Variants in TRPM3 observed in about 807,000 individuals in gnomAD.
TRPM3 encodes transient receptor potential cation channel subfamily M member 3.
In TRPM3, 77 loss-of-function variants were observed where a neutral mutation model predicts 181.2. The observed-to-expected ratio is 0.42, with a 90% confidence interval of 0.35 to 0.51. The LOEUF (loss-of-function observed/expected upper bound fraction) is 0.51. Ranked by LOEUF, TRPM3 falls within the 20% of genes least tolerant of loss-of-function variation. The pLI, the probability that TRPM3 is intolerant of heterozygous loss-of-function variation, is 0.01. For synonymous variants in TRPM3, 745 were observed against 796.4 expected (o/e 0.94, Z 1.09); for missense variants, 1,759 against 2,196.7 (o/e 0.80, Z 3.98).
intron 1 of TRPM3, among the ~76,000 whole-genome samples, chr9:71,198,056 TAAGG>T (rs2078511062): frequency 1.3e-5 from 2 of 149,374 alleles, no homozygotes; most frequent in Non-Finnish European, 3.0e-5. Context: ...GTATAAGGTG[TAAGG>T]AAGGGATCCA....
intron 6 of TRPM3, among the ~76,000 whole-genome samples, chr9:70,796,189 T>C (rs17055827): frequency 0.082 from 12,557 of 152,234 alleles, 594 homozygotes; most frequent in East Asian, 0.11. Context: ...TCTAAGTCCA[T>C]AGCCCATACA....
intron 1 of TRPM3, among the ~76,000 whole-genome samples, chr9:70,923,222 T>C (rs2096676280): frequency 6.6e-6 from 1 of 152,180 alleles, no homozygotes; most frequent in South Asian, 2.1e-4. Context: ...AATAACTGTG[T>C]GTTCATCTTC....
At chr9:71,222,427 A>G (rs1166207547) in intron 1 of TRPM3, among the ~76,000 whole-genome samples, 1 of 152,198 alleles carries the variant, frequency 6.6e-6, no homozygotes, top group Non-Finnish European at 1.5e-5. Context: ...CGTCATTCAT[A>G]TGTGTTCTTT....
chr9:71,140,494 C>A (rs924767814), intron 1 of TRPM3, among the ~76,000 whole-genome samples: 1 of 152,292 alleles, frequency 6.6e-6, no homozygotes, highest in African/African-American at 2.4e-5. Context: ...TCTTCCCCAT[C>A]TTCAATATGA....
At chr9:70,629,955 G>T (rs187490619) in intron 12 of TRPM3, among the ~76,000 whole-genome samples, 211 of 152,330 alleles carry the variant, frequency 1.4e-3, no homozygotes, top group Admixed American at 3.9e-3. Context: ...GGCCCCTTGG[G>T]ATAGGTGTCC....
At chr9:71,295,080 T>C (rs925751062) in intron 1 of TRPM3, among the ~76,000 whole-genome samples, 1 of 152,216 alleles carries the variant, frequency 6.6e-6, no homozygotes, top group African/African-American at 2.4e-5. Flanking sequence ...GTTTATTTAA[T>C]GCTATTCTTT....
intron 1 of TRPM3, among the ~76,000 whole-genome samples, chr9:71,196,968 A>AC (rs1266535805): frequency 5.4e-4 from 2 of 3,706 alleles, no homozygotes; most frequent in Non-Finnish European, 0.021. Flanking sequence ...TGCTGCACCC[A>AC]TTACTCGTCA....
chr9:70,598,399 A>G lies in TRPM3; in HGVS notation c.3048+20T>C. On this transcript the variant is annotated intron_variant, in intron 21 of 25. Transcript: ENST00000677713. ...CCTCCTCTGAAAACTTATAACATGGAATCAGAAGACCCTGCTTACCATTTT... is the reference window on the plus strand; with the variant it reads ...CCTCCTCTGAAAACTTATAACATGGGATCAGAAGACCCTGCTTACCATTTT... The G allele has an allele frequency of 6.2e-7, 1 of 1,609,508 alleles. No individual in the cohort carries two copies. The highest frequency in any genetic ancestry group is 8.5e-7 in the Non-Finnish European group (1 of 1,176,396).
chr9:70,863,217 A>C (rs1209091817), intron 2 of TRPM3, 105 bp from the exon 3 acceptor site: 1 of 914,966 alleles, frequency 1.1e-6, no homozygotes, highest in Non-Finnish European at 1.6e-6. Flanking sequence ...AACACCTGTC[A>C]GTCAATTCTC....
intron 1 of TRPM3, among the ~76,000 whole-genome samples, chr9:70,992,583 C>T (rs2097498986): frequency 6.6e-6 from 1 of 152,228 alleles, no homozygotes; most frequent in Non-Finnish European, 1.5e-5. Flanking sequence ...AATATCTGCA[C>T]TGTACAATAC....
chr9:70,868,812 T>C (rs1366785357), intron 1 of TRPM3, among the ~76,000 whole-genome samples: 1 of 152,076 alleles, frequency 6.6e-6, no homozygotes, highest in Non-Finnish European at 1.5e-5. Context: ...GTTTCAAATG[T>C]ATACCCTGTC....
At chr9:71,408,454 C>G (rs1282985255) in intron 1 of TRPM3, among the ~76,000 whole-genome samples, 1 of 152,088 alleles carries the variant, frequency 6.6e-6, no homozygotes, top group Non-Finnish European at 1.5e-5. Flanking sequence ...CTACGTGATG[C>G]ATGCACAAGC....
chr9:71,293,742 G>T (rs1280012096), intron 1 of TRPM3, among the ~76,000 whole-genome samples: 1 of 151,882 alleles, frequency 6.6e-6, no homozygotes, highest in Non-Finnish European at 1.5e-5. Flanking sequence ...TTTCATGTAG[G>T]AGTAAAGGAC....
chr9:70,586,383 G>A (rs933558365), intron 22 of TRPM3, among the ~76,000 whole-genome samples: 5 of 152,246 alleles, frequency 3.3e-5, no homozygotes, highest in South Asian at 2.1e-4. Context: ...AACAGCGTCC[G>A]GAATCATCAC....
intron 1 of TRPM3, chr9:70,917,133 G>A: frequency 6.2e-7 from 1 of 1,605,614 alleles, no homozygotes; most frequent in Non-Finnish European, 8.5e-7. Context: ...GTTCGGATGA[G>A]TTCGGCCACA....
chr9:71,381,761 C>T (rs2092806504), intron 1 of TRPM3, among the ~76,000 whole-genome samples: 1 of 152,106 alleles, frequency 6.6e-6, no homozygotes, highest in Non-Finnish European at 1.5e-5. Context: ...CAATTCACAA[C>T]ACTACACCAC....
At chr9:70,560,672 G>T (rs1336604156) in intron 22 of TRPM3, among the ~76,000 whole-genome samples, 1 of 152,176 alleles carries the variant, frequency 6.6e-6, no homozygotes, top group Non-Finnish European at 1.5e-5. Context: ...ACGTGGGATT[G>T]AGAGGAATCT....
chr9:70,834,088 A>C (rs2094139014), intron 5 of TRPM3, among the ~76,000 whole-genome samples: 1 of 152,212 alleles, frequency 6.6e-6, no homozygotes, highest in Admixed American at 6.5e-5. Context: ...CTTGGCTGTA[A>C]GGACAGGTGC....
At chr9:71,114,837 T>C (rs1359425519) in intron 1 of TRPM3, among the ~76,000 whole-genome samples, 1 of 152,208 alleles carries the variant, frequency 6.6e-6, no homozygotes, top group Non-Finnish European at 1.5e-5. Context: ...ATGAAGACTA[T>C]TTTTAGGAGC....
Sources: gnomAD v4.1 joint callset for allele counts (sites outside exome capture counted in the v4.1 genomes callset) on GRCh38, gnomAD v4.1.1 for gene constraint, MANE v1.5 for transcripts, NCBI Gene and HGNC (gene_info 2026-07-23, HGNC 2026-07-21) for gene names.